Variants in HAS2 observed in about 807,000 individuals in gnomAD.
HAS2 encodes the protein hyaluronan synthase 2.
In HAS2, 16 loss-of-function variants were observed where a neutral mutation model predicts 51.6. The ratio of observed to expected loss-of-function variants is 0.31; its 90% CI spans 0.21 to 0.47. HAS2 has a LOEUF of 0.47. Ranked by LOEUF, HAS2 falls within the 20% of genes least tolerant of loss-of-function variation. The pLI, the probability that HAS2 is intolerant of heterozygous loss-of-function variation, is 1.00. For missense variants in HAS2, 361 were observed against 662.6 expected (o/e 0.54, Z 5.00); for synonymous variants, 228 against 235.5 (o/e 0.97, Z 0.29).
intron 2 of HAS2, among the ~76,000 whole-genome samples, chr8:121,628,303 C>T (rs1202441224): frequency 6.6e-6 from 1 of 151,978 alleles, no homozygotes; most frequent in Non-Finnish European, 1.5e-5. Flanking sequence ...CTCCCTTCAG[C>T]CTGCAGATTT....
chr8:121,631,061 A>C (rs184109704), intron 1 of HAS2, among the ~76,000 whole-genome samples: 1 of 152,262 alleles, frequency 6.6e-6, no homozygotes, highest in East Asian at 1.9e-4. Context: ...TAAGAAAGAG[A>C]ATATACCTCC....
chr8:121,636,911 A>G (rs973210880), intron 1 of HAS2, among the ~76,000 whole-genome samples: 2 of 152,214 alleles, frequency 1.3e-5, no homozygotes, highest in African/African-American at 4.8e-5. Flanking sequence ...ATAAATTAGC[A>G]TGAATTCAAT....
At chr8:121,615,418 C>T (rs1330019818) in intron 3 of HAS2, among the ~76,000 whole-genome samples, 1 of 152,134 alleles carries the variant, frequency 6.6e-6, no homozygotes, top group Non-Finnish European at 1.5e-5. Context: ...CTCACTGCAA[C>T]CTCCGCCTTC....
chr8:121,619,859 G>A lies in HAS2; in HGVS notation c.628-2653C>T, dbSNP rs139379514. ...AAAAGGTAAAACCAGGCTAAAATAA[G>A]ACTAAAAACAACAGGAAGAGGGCAA... On this transcript the variant is annotated intron_variant, in intron 2 of 3. Transcript: ENST00000303924. 6.2e-3 allele frequency among the ~76,000 whole-genome samples: 946 copies of A among 152,244 alleles called. 8 individuals carry two copies. Among genetic ancestry groups the A allele is most frequent in the African/African-American group, 0.02 (850 of 41,534 alleles).
intron 2 of HAS2, among the ~76,000 whole-genome samples, chr8:121,617,746 G>A (rs1308882564): frequency 1.3e-5 from 2 of 152,074 alleles, no homozygotes; most frequent in African/African-American, 4.8e-5. Context: ...TGACAGGAGA[G>A]CAATTCTCCT....
intron 2 of HAS2, among the ~76,000 whole-genome samples, chr8:121,620,418 A>G (rs1332602748): frequency 6.6e-6 from 1 of 152,218 alleles, no homozygotes; most frequent in Non-Finnish European, 1.5e-5. Flanking sequence ...CCCCAGTTCA[A>G]GGAGAACTGA....
At chr8:121,625,218 GA>G (rs1812830359) in intron 2 of HAS2, among the ~76,000 whole-genome samples, 1 of 148,166 alleles carries the variant, frequency 6.7e-6, no homozygotes, top group East Asian at 2.0e-4. Context: ...GGAAAAAACA[GA>G]AAAATATACA....
At chr8:121,621,584 G>C (rs1812774648) in intron 2 of HAS2, among the ~76,000 whole-genome samples, 1 of 152,144 alleles carries the variant, frequency 6.6e-6, no homozygotes, top group African/African-American at 2.4e-5. Flanking sequence ...AGATGGCTCA[G>C]TAGCAACAAT....
intron 1 of HAS2, among the ~76,000 whole-genome samples, chr8:121,637,315 C>T (rs1015111775): frequency 2.6e-5 from 4 of 151,442 alleles, no homozygotes; most frequent in African/African-American, 9.7e-5. Context: ...AATTGACTCT[C>T]ATCAGTAACA....
In HAS2 at chr8:121,641,115, T is replaced by A. The variant is rs574808898; in HGVS notation, c.-263A>T. 713 of 150,410 alleles carry A rather than the reference T, an allele frequency of 4.7e-3. 8 individuals are homozygous for A. Among genetic ancestry groups the A allele is most frequent in the African/African-American group, 0.016 (655 of 41,082 alleles). The allele number at this position is 150,410 out of a possible 1,614,324, so 9.3% of individuals were successfully genotyped here. A position where few individuals can be genotyped will look rare whatever the true frequency, so the allele number is the denominator to read the frequency against. On this transcript the variant is annotated 5_prime_UTR_variant, in exon 1 of 4. Coordinates refer to ENST00000303924, the MANE Select transcript of HAS2 (RefSeq NM_005328.3). Reference sequence around the variant, plus strand: ...ACTTCAGTCTAATTCTTAAAAAAATTATGCTTTAAAAATAAATTAACTTTT... The same window carrying A: ...ACTTCAGTCTAATTCTTAAAAAAATAATGCTTTAAAAATAAATTAACTTTT...
chr8:121,638,310 G>T (rs1813041076), intron 1 of HAS2, among the ~76,000 whole-genome samples: 1 of 152,136 alleles, frequency 6.6e-6, no homozygotes, highest in South Asian at 2.1e-4. Context: ...TTTCCAGGAA[G>T]GTAGCTGACT....
Position 121,613,775 on chromosome 8 carries a change from C to T in HAS2, c.*334G>A. ...TTGAAAGAACTTTTCCTTGAGTTTC[C>T]AAAATCCTTTTCTTCCATGATAACC... is the stretch of plus-strand genomic sequence containing the variant. On this transcript the variant is annotated 3_prime_UTR_variant, in exon 4 of 4. Coordinates refer to ENST00000303924, the MANE Select transcript of HAS2 (RefSeq NM_005328.3). 2 of 265,220 alleles carry T rather than the reference C, an allele frequency of 7.5e-6. No individual in the cohort carries two copies. Among genetic ancestry groups the T allele is most frequent in the Non-Finnish European group, 1.5e-5 (2 of 136,748 alleles). The allele number at this position is 265,220 out of a possible 1,614,324, so 16.4% of individuals were successfully genotyped here.
chr8:121,630,864 A>G (rs1047275267), intron 1 of HAS2, among the ~76,000 whole-genome samples: 2 of 152,288 alleles, frequency 1.3e-5, no homozygotes, highest in African/African-American at 4.8e-5. Context: ...CCATTCACAC[A>G]GTCACCTGCT....
intron 2 of HAS2, among the ~76,000 whole-genome samples, chr8:121,620,749 A>G (rs769058087): frequency 3.3e-5 from 5 of 152,124 alleles, no homozygotes; most frequent in Non-Finnish European, 7.4e-5. Flanking sequence ...TTTCCCCCCT[A>G]TCTAAAACAG....
Position 121,625,322 on chromosome 8 carries a change from G to A in HAS2, c.627+3392C>T, listed in dbSNP as rs1461172544. Among the ~76,000 whole-genome samples the A allele has an allele frequency of 5.9e-5, 9 of 151,920 alleles. No homozygotes were observed. In the East Asian group the frequency reaches 1.7e-3, roughly 29 times the overall value. On this transcript the variant is annotated intron_variant, in intron 2 of 3. Coordinates refer to ENST00000303924, the MANE Select transcript of HAS2 (RefSeq NM_005328.3). ...ATACTTTTAAAACATGCTGCCATAA[G>A]CCTGTGTTACTTTTGTAAATAAAAA...
chr8:121,632,615 CCA>C (rs1296370650), intron 1 of HAS2, among the ~76,000 whole-genome samples: 1 of 152,068 alleles, frequency 6.6e-6, no homozygotes, highest in Admixed American at 6.6e-5. Flanking sequence ...ATATATATCT[CCA>C]CAAAGTCAAT....
Position 121,629,149 on chromosome 8 carries a change from G to A in HAS2, c.192C>T (p.Ala64=), listed in dbSNP as rs755480762. ...TTTTCATTTTTCGGTGCTCCAAAAA[G>A]GCAAACAGGCTTTGGATGATGAGGT... The part of the protein sequence containing the change: ...ASHLIIQSLF[A]FLEHRKMKKS... Residue 64 remains alanine (A), a synonymous_variant, in exon 2 of 4, where the codon GCC becomes GCT. Transcript: ENST00000303924. 1 of 1,614,064 alleles carries A rather than the reference G, an allele frequency of 6.2e-7. No homozygotes were observed. The highest frequency in any genetic ancestry group is 1.7e-5 in the Admixed American group (1 of 59,996).
chr8:121,626,276 T>C (rs1812851352), intron 2 of HAS2, among the ~76,000 whole-genome samples: 1 of 151,844 alleles, frequency 6.6e-6, no homozygotes, highest in South Asian at 2.1e-4. Flanking sequence ...CAGAGAGGAG[T>C]TTGGATAGGG....
In HAS2 at chr8:121,633,213, T is replaced by G. The variant is rs201578858; in HGVS notation, c.1-3873A>C. 3.3e-5 allele frequency among the ~76,000 whole-genome samples: 5 copies of G among 151,270 alleles called. No individual in the cohort carries two copies. The East Asian group carries it at 9.8e-4, about 30-fold the overall frequency. ...CATGCTGGAGTGCAGTGGTGCAGTC[T>G]TGGCTCACTGTAACCTCCCCTTCCC... On this transcript the variant is annotated intron_variant, in intron 1 of 3. Coordinates refer to ENST00000303924, the MANE Select transcript of HAS2 (RefSeq NM_005328.3).
Sources: allele counts gnomAD v4.1 joint callset (sites outside exome capture counted in the v4.1 genomes callset), GRCh38; gene constraint gnomAD v4.1.1; transcripts MANE v1.5; gene names NCBI Gene and HGNC (gene_info 2026-07-23, HGNC 2026-07-21).